The following ADAMTS6 variants were observed in gnomAD, a reference collection of about 807,000 sequenced individuals.
The protein encoded by ADAMTS6 is ADAM metallopeptidase with thrombospondin type 1 motif 6.
Under a neutral mutation model 144.3 loss-of-function variants are expected in ADAMTS6, and 23 were observed. The observed-to-expected ratio is 0.16, with a 90% CI of 0.11 to 0.23. The LOEUF is 0.23. ADAMTS6 is among the 10% of genes least tolerant of loss of function. The pLI is 1.00. For missense variants in ADAMTS6, 999 were observed against 1,379.6 expected, an observed-to-expected ratio of 0.72 and a Z score of 4.37; for synonymous variants, 444 against 457.5, an observed-to-expected ratio of 0.97 and a Z score of 0.38.
intron 7 of ADAMTS6, among the ~76,000 whole-genome samples, chr5:65,431,016 T>C (rs569681980): frequency 1.8e-4 from 27 of 152,280 alleles, no homozygotes; most frequent in Admixed American, 1.3e-3. Context: ...TTATCACTTA[T>C]TCAGTTGTAT....
chr5:65,401,795 AT>A (rs1039831682), intron 7 of ADAMTS6, among the ~76,000 whole-genome samples: 2 of 152,064 alleles, frequency 1.3e-5, no homozygotes, highest in African/African-American at 4.8e-5. Flanking sequence ...GTTTGTTCAG[AT>A]TTTTGTGTAC....
At chr5:65,229,104 T>C (rs79244034) in intron 15 of ADAMTS6, among the ~76,000 whole-genome samples, 153 of 152,198 alleles carry the variant, frequency 1.0e-3, no homozygotes, top group Non-Finnish European at 1.1e-3. Flanking sequence ...CTTTGCAGGA[T>C]TGGGAGAAGT....
chr5:65,219,277 A>G (rs1382328244), intron 18 of ADAMTS6, among the ~76,000 whole-genome samples: 3 of 152,172 alleles, frequency 2.0e-5, no homozygotes, highest in African/African-American at 7.2e-5. Flanking sequence ...TCACACTACA[A>G]TGGTAGAAGT....
intron 24 of ADAMTS6, among the ~76,000 whole-genome samples, chr5:65,154,200 T>G (rs1752282461): frequency 6.6e-6 from 1 of 152,172 alleles, no homozygotes; most frequent in Admixed American, 6.5e-5. Flanking sequence ...AGAGCTAGAC[T>G]CCGTCTCAAA....
intron 4 of ADAMTS6, among the ~76,000 whole-genome samples, chr5:65,458,906 G>GTAAC: frequency 6.6e-6 from 1 of 152,270 alleles, no homozygotes; most frequent in South Asian, 2.1e-4. Flanking sequence ...ATTTGATTGG[G>GTAAC]TAACTAGTAT....
At chr5:65,257,684 C>T (rs1760809246) in intron 14 of ADAMTS6, among the ~76,000 whole-genome samples, 1 of 152,154 alleles carries the variant, frequency 6.6e-6, no homozygotes, top group South Asian at 2.1e-4. Flanking sequence ...AGCCTCTAGG[C>T]CTTGCACTTA....
intron 7 of ADAMTS6, among the ~76,000 whole-genome samples, chr5:65,387,107 G>A (rs558516624): frequency 3.2e-4 from 49 of 152,270 alleles, no homozygotes; most frequent in Admixed American, 5.2e-4. Flanking sequence ...AATTCCATGA[G>A]TAGAGAGTCA....
At chr5:65,415,614 T>C (rs1755442013) in intron 7 of ADAMTS6, 1 of 329,938 alleles carries the variant, frequency 3.0e-6, no homozygotes, top group South Asian at 2.7e-5. Flanking sequence ...CATCAAGGAG[T>C]CTGAGATCAC....
chr5:65,383,540 T>A (rs1302005935), intron 7 of ADAMTS6, among the ~76,000 whole-genome samples: 4 of 152,204 alleles, frequency 2.6e-5, no homozygotes, highest in Admixed American at 2.6e-4. Flanking sequence ...CCAGACATAC[T>A]GGGACAGGGA....
chr5:65,305,288 G>A (rs1438323426), intron 9 of ADAMTS6, among the ~76,000 whole-genome samples: 1 of 152,070 alleles, frequency 6.6e-6, no homozygotes. Context: ...AAAGTAAAAA[G>A]TAAACACACA....
chr5:65,275,417 A>G lies in ADAMTS6; in HGVS notation c.1513-1970T>C, dbSNP rs546574322. Among the ~76,000 whole-genome samples the G allele has an allele frequency of 2.1e-5, 3 of 141,878 alleles. No individual in the cohort carries two copies. In the South Asian group the frequency reaches 6.9e-4, roughly 32 times the overall value. The allele number at this position is 141,878 out of a possible 152,430, so 93.1% of individuals were successfully genotyped here. On this transcript the variant is annotated intron_variant, in intron 11 of 24. Coordinates refer to ENST00000381055, the MANE Select transcript of ADAMTS6 (RefSeq NM_197941.4). ...AAAGAAAGAAAGAAAGAAAGAAAGA[A>G]AAGAAAGAAAGAAAGAAAAGAAAAA...
intron 7 of ADAMTS6, among the ~76,000 whole-genome samples, chr5:65,402,696 C>A (rs745691724): frequency 1.3e-5 from 2 of 151,998 alleles, no homozygotes; most frequent in Non-Finnish European, 2.9e-5. Context: ...AAGGACACCC[C>A]CCCCCATATT....
At chr5:65,313,140 C>G (rs1228379363) in intron 9 of ADAMTS6, among the ~76,000 whole-genome samples, 3 of 120,340 alleles carry the variant, frequency 2.5e-5, no homozygotes, top group African/African-American at 1.4e-4. Context: ...CACACACACA[C>G]ACACACACAC....
rs1742533675 is a variant in ADAMTS6, at chr5:65,293,546, A to G, written c.1371-2076T>C. 2.6e-5 allele frequency among the ~76,000 whole-genome samples: 4 copies of G among 152,112 alleles called. No individual in the cohort carries two copies. The South Asian group carries it at 8.3e-4, about 32-fold the overall frequency. The stretch of plus-strand genomic sequence containing the variant: ...TGTAGATCCCAAAGAAGAATTTAAG[A>G]ATAGATATCCTGAGGAAAAAATTCT... On this transcript the variant is annotated intron_variant, in intron 10 of 24. Coordinates refer to ENST00000381055, the MANE Select transcript of ADAMTS6 (RefSeq NM_197941.4).
At chr5:65,261,701 T>C (rs1433480128) in intron 13 of ADAMTS6, among the ~76,000 whole-genome samples, 1 of 151,984 alleles carries the variant, frequency 6.6e-6, no homozygotes, top group African/African-American at 2.4e-5. Flanking sequence ...AAAAACAAGA[T>C]AGTGGGGATG....
intron 15 of ADAMTS6, among the ~76,000 whole-genome samples, chr5:65,238,608 A>G (rs1234520678): frequency 6.6e-6 from 1 of 152,140 alleles, no homozygotes; most frequent in Non-Finnish European, 1.5e-5. Flanking sequence ...TCAAAAAAAA[A>G]AAAAGGAATA....
At position 65,260,682 on chromosome 5, in the gene ADAMTS6, T is replaced by A; in HGVS notation, c.1767-19A>T. 7 of 1,602,824 alleles carry A rather than the reference T, an allele frequency of 4.4e-6. No homozygotes were observed. The highest frequency in any genetic ancestry group is 6.0e-6 in the Non-Finnish European group (7 of 1,170,218). On this transcript the variant is annotated intron_variant, in intron 13 of 24. Coordinates refer to ENST00000381055, the MANE Select transcript of ADAMTS6 (RefSeq NM_197941.4). ...TGAAGGTCTGAAAAAACATTGTGTT[T>A]AAAATGTGAATACTAATACATCTGT...
chr5:65,170,427 A>C (rs1335627878), intron 24 of ADAMTS6, among the ~76,000 whole-genome samples, 190 bp downstream of exon 24: 1 of 152,218 alleles, frequency 6.6e-6, no homozygotes, highest in East Asian at 1.9e-4. Context: ...TGACTTAACA[A>C]GGTCATAAAG....
chr5:65,327,348 A>G (rs140778360), intron 9 of ADAMTS6, among the ~76,000 whole-genome samples: 208 of 152,260 alleles, frequency 1.4e-3, no homozygotes, highest in African/African-American at 4.9e-3. Context: ...AACAGACTAT[A>G]TATGCTAAAC....
Sources: gnomAD v4.1 joint callset for allele counts (sites outside exome capture counted in the v4.1 genomes callset) on GRCh38, gnomAD v4.1.1 for gene constraint, MANE v1.5 for transcripts, NCBI Gene and HGNC (gene_info 2026-07-23, HGNC 2026-07-21) for gene names.